The following ARHGAP17 variants were observed in gnomAD, a reference collection of about 807,000 sequenced individuals.
ARHGAP17 encodes rho GTPase-activating protein 17.
A neutral mutation model predicts 99.5 loss-of-function variants in ARHGAP17; 57 were observed. The observed-to-expected ratio is 0.57, with a 90% CI of 0.46 to 0.71. ARHGAP17 has a LOEUF of 0.71. ARHGAP17 is among the 30% of genes least tolerant of loss of function. The pLI, the probability that ARHGAP17 is intolerant of heterozygous loss-of-function variation, is 0.00. For missense variants in ARHGAP17, 1,000 were observed against 1,122.4 expected (o/e 0.89, Z 1.56); for synonymous variants, 417 against 429.6 (o/e 0.97, Z 0.36).
chr16:24,932,663 T>A (rs995963813), intron 18 of ARHGAP17, among the ~76,000 whole-genome samples: 2 of 151,930 alleles, frequency 1.3e-5, no homozygotes, highest in East Asian at 3.9e-4. Context: ...TCTGGAAGAG[T>A]TGCCTTAGAA....
At chr16:24,935,808 G>T in intron 17 of ARHGAP17, 169 bp from the exon 18 acceptor site, 1 of 743,128 alleles carries the variant, frequency 1.3e-6, no homozygotes, top group Non-Finnish European at 2.2e-6. Flanking sequence ...ATGTTTACTT[G>T]GTGCCATATA....
At chr16:24,943,965 T>G (rs968953880) in intron 14 of ARHGAP17, 103 bp from the exon 15 acceptor site, 1 of 1,093,260 alleles carries the variant, frequency 9.1e-7, no homozygotes, top group East Asian at 2.6e-5. Flanking sequence ...ATAAAATATT[T>G]AAAAGATGCA....
intron 12 of ARHGAP17, among the ~76,000 whole-genome samples, 187 bp from the exon 13 acceptor site, chr16:24,949,671 C>G (rs893427230): frequency 6.6e-6 from 1 of 152,212 alleles, no homozygotes; most frequent in African/African-American, 2.4e-5. Flanking sequence ...AGTTGGTTAA[C>G]CTTCAATCTC....
intron 9 of ARHGAP17, among the ~76,000 whole-genome samples, chr16:24,958,332 A>C (rs112097142): frequency 1.6e-4 from 24 of 152,346 alleles, no homozygotes; most frequent in African/African-American, 5.8e-4. Context: ...AGCCATTCAA[A>C]GGCTAAAATG....
At chr16:24,969,462 C>T (rs929328988) in intron 4 of ARHGAP17, among the ~76,000 whole-genome samples, 3 of 152,212 alleles carry the variant, frequency 2.0e-5, no homozygotes, top group Non-Finnish European at 4.4e-5. Flanking sequence ...AGTCTGAATA[C>T]AGGCTTTGCT....
intron 19 of ARHGAP17, among the ~76,000 whole-genome samples, chr16:24,925,416 T>C (rs533829164): frequency 6.6e-6 from 1 of 152,212 alleles, no homozygotes; most frequent in Admixed American, 6.5e-5. Context: ...AGAATGACAG[T>C]CCAACCAATC....
intron 1 of ARHGAP17, among the ~76,000 whole-genome samples, chr16:24,993,611 G>A (rs970321826): frequency 4.6e-5 from 7 of 151,240 alleles, no homozygotes; most frequent in African/African-American, 9.7e-5. Flanking sequence ...AAAAAGTAAC[G>A]GGCAAAAACA....
In ARHGAP17 at chr16:24,950,938, A is replaced by G. The variant is rs180742067; in HGVS notation, c.1046+1351T>C. ...CACTGAAGTGTAACTGATCAGAAAT[A>G]AGTGGCTCTTATTTGATCATGGCCT... On this transcript the variant is annotated intron_variant, in intron 12 of 19. Transcript: ENST00000289968. Among the ~76,000 whole-genome samples the G allele has an allele frequency of 5.3e-5, 8 of 152,192 alleles. No individual in the cohort carries two copies. In the East Asian group the frequency reaches 1.4e-3, roughly 26 times the overall value.
chr16:24,993,540 G>C (rs2053109641), intron 1 of ARHGAP17, among the ~76,000 whole-genome samples: 1 of 149,932 alleles, frequency 6.7e-6, no homozygotes, highest in Non-Finnish European at 1.5e-5. Context: ...AGTGAGCTGA[G>C]ATTGCACCAC....
At position 24,934,797 on chromosome 16, in the gene ARHGAP17, G is replaced by A. The variant is rs2051089447; in HGVS notation, c.1894+673C>T. ...TGAGGTGAGACCTGAATGGTAAGAA[G>A]AAACCATGTGAAGATATGGGACAGA... On this transcript the variant is annotated intron_variant, in intron 18 of 19. Coordinates refer to ENST00000289968, the MANE Select transcript of ARHGAP17 (RefSeq NM_001006634.3). Among the ~76,000 whole-genome samples, 7 of 152,242 alleles carry A rather than the reference G, an allele frequency of 4.6e-5. No homozygotes were observed. The South Asian group carries it at 1.5e-3, about 32-fold the overall frequency.
intron 9 of ARHGAP17, chr16:24,957,303 A>G (rs1170373022): frequency 6.6e-6 from 1 of 152,174 alleles, no homozygotes; most frequent in African/African-American, 2.4e-5. Context: ...ATCAAAGGGA[A>G]CCGATGCTTA....
chr16:24,987,544 T>C (rs1056377487), intron 1 of ARHGAP17, among the ~76,000 whole-genome samples: 1 of 152,146 alleles, frequency 6.6e-6, no homozygotes, highest in Non-Finnish European at 1.5e-5. Flanking sequence ...TTTTGCCAAA[T>C]TGCTCCTTTT....
rs773922861 is a variant in ARHGAP17 at position 24,930,858 on chromosome 16, T to TG, written c.2440dup (p.Gln814ProfsTer41). ...CCCAGCTGAGTGGACACCAGGAGGTTGGGGGGGTGGGGGCACGCTGGGCCG... is the reference window on the plus strand; with the variant it reads ...CCCAGCTGAGTGGACACCAGGAGGTTGGGGGGGGTGGGGGCACGCTGGGCCG... On this transcript the variant is annotated frameshift_variant, in exon 19 of 20. Transcript: ENST00000289968. LOFTEE classifies it high-confidence loss of function. The TG allele has an allele frequency of 8.7e-6, 14 of 1,612,952 alleles. No individual in the cohort carries two copies. The highest frequency in any genetic ancestry group is 8.5e-6 in the Non-Finnish European group (10 of 1,179,690).
chr16:24,961,518 ATTTTTTTTTTTTTTTTT>A (rs1171754361), intron 7 of ARHGAP17, among the ~76,000 whole-genome samples: 1 of 81,500 alleles, frequency 1.2e-5, no homozygotes, highest in Non-Finnish European at 2.3e-5. Flanking sequence ...AAAAAAAAAA[ATTTTTTTTTTTTTTTTT>A]TTTTTTTTTG....
At chr16:24,977,451 C>CT (rs1221797062) in intron 2 of ARHGAP17, 132 bp from the exon 3 acceptor site, 2 of 624,342 alleles carry the variant, frequency 3.2e-6, no homozygotes, top group Non-Finnish European at 5.2e-6. Context: ...TGCTATCACA[C>CT]TGAGTGGCGC....
chr16:24,927,159 T>C (rs1266668425), intron 19 of ARHGAP17, among the ~76,000 whole-genome samples: 3 of 152,148 alleles, frequency 2.0e-5, no homozygotes, highest in Admixed American at 2.0e-4. Flanking sequence ...TAATCCCAGG[T>C]ACTCAGGAGG....
chr16:24,948,687 G>A (rs947793794), intron 13 of ARHGAP17, among the ~76,000 whole-genome samples: 4 of 151,724 alleles, frequency 2.6e-5, no homozygotes, highest in Admixed American at 1.3e-4. Flanking sequence ...AGCCCAAGGC[G>A]GAATTTAAGG....
At chr16:24,939,687 G>A (rs1229856000) in intron 16 of ARHGAP17, 90 bp from the exon 17 acceptor site, 6 of 1,373,698 alleles carry the variant, frequency 4.4e-6, no homozygotes, top group East Asian at 5.0e-5. Flanking sequence ...AACCACACAT[G>A]GGGATAGCCA....
intron 1 of ARHGAP17, among the ~76,000 whole-genome samples, chr16:24,989,523 C>A (rs576919091): frequency 6.6e-6 from 1 of 150,904 alleles, no homozygotes; most frequent in South Asian, 2.1e-4. Flanking sequence ...CAGGTGATGC[C>A]ACTTATATGA....
Sources: gnomAD v4.1 joint callset for allele counts (sites outside exome capture counted in the v4.1 genomes callset) on GRCh38, gnomAD v4.1.1 for gene constraint, MANE v1.5 for transcripts, NCBI Gene and HGNC (gene_info 2026-07-23, HGNC 2026-07-21) for gene names.